The following HDAC9 variants were observed in gnomAD, a reference collection of about 807,000 sequenced individuals.
HDAC9 encodes histone deacetylase 9.
In HDAC9, 41 loss-of-function variants were observed where a neutral mutation model predicts 139.4. That is an observed-to-expected ratio of 0.29 (90% CI 0.23 to 0.38). The LOEUF is 0.38. HDAC9 is among the 10% of genes least tolerant of loss of function. The probability of loss-of-function intolerance (pLI) is 1.00; values close to 1 mark genes in which losing one functional copy is unlikely to be tolerated. For missense variants in HDAC9, 1,147 were observed against 1,297.0 expected, an observed-to-expected ratio of 0.88 and a Z score of 1.78; for synonymous variants, 517 against 476.2, an observed-to-expected ratio of 1.09 and a Z score of -1.12.
In HDAC9 at chr7:18,921,464, C is replaced by G. The variant is rs562117353; in HGVS notation, c.2804-14345C>G. Among the ~76,000 whole-genome samples, 29 of 152,150 alleles carry G rather than the reference C, an allele frequency of 1.9e-4. 2 individuals are homozygous for G. Among genetic ancestry groups the G allele is most frequent in the East Asian group, 5.8e-4 (3 of 5,170 alleles). ...AAAGAAGACATTTATGCAGCCAAAA[C>G]ACACATGAAAAAATGCTCATCATCA... On this transcript the variant is annotated intron_variant, in intron 22 of 25. Transcript: ENST00000686413.
chr7:18,265,505 A>G (rs1795937458), intron 2 of HDAC9, among the ~76,000 whole-genome samples: 1 of 152,302 alleles, frequency 6.6e-6, no homozygotes, highest in African/African-American at 2.4e-5. Context: ...GGTTACAAAG[A>G]GTCTATGCAC....
intron 21 of HDAC9, among the ~76,000 whole-genome samples, chr7:18,837,675 C>T (rs1261997778): frequency 6.6e-6 from 1 of 151,970 alleles, no homozygotes; most frequent in East Asian, 1.9e-4. Flanking sequence ...ATCATGTATG[C>T]ACAGCAATGA....
At chr7:18,399,853 A>G (rs543519863) in intron 1 of HDAC9, among the ~76,000 whole-genome samples, 3 of 152,330 alleles carry the variant, frequency 2.0e-5, no homozygotes, top group South Asian at 2.1e-4. Context: ...GTAGCTGGCA[A>G]ATCTGCTCCC....
At chr7:18,957,685 G>A (rs1380867723) in intron 24 of HDAC9, among the ~76,000 whole-genome samples, 2 of 152,106 alleles carry the variant, frequency 1.3e-5, no homozygotes, top group Non-Finnish European at 2.9e-5. Context: ...AGAGTGGGGC[G>A]CTTCGCAACT....
intron 16 of HDAC9, among the ~76,000 whole-genome samples, chr7:18,775,534 T>C (rs1028402267): frequency 6.6e-6 from 1 of 152,072 alleles, no homozygotes; most frequent in Non-Finnish European, 1.5e-5. Flanking sequence ...TCTTTGCTGC[T>C]AAATAGATTA....
chr7:18,857,150 C>T (rs1160107170), intron 21 of HDAC9, among the ~76,000 whole-genome samples: 1 of 151,794 alleles, frequency 6.6e-6, no homozygotes, highest in African/African-American at 2.4e-5. Context: ...CATGCTTTTC[C>T]TTTTGTCTGG....
chr7:18,206,487 C>T (rs1455981423), intron 2 of HDAC9, among the ~76,000 whole-genome samples: 1 of 152,098 alleles, frequency 6.6e-6, no homozygotes, highest in African/African-American at 2.4e-5. Context: ...TGTCTTTGGA[C>T]TTTCTCTTTT....
chr7:18,101,974 C>A (rs1422747451), intron 1 of HDAC9, among the ~76,000 whole-genome samples: 1 of 152,162 alleles, frequency 6.6e-6, no homozygotes, highest in Non-Finnish European at 1.5e-5. Flanking sequence ...TTATGGATTG[C>A]TCCTCTTTTA....
chr7:18,762,028 C>T, intron 14 of HDAC9, 129 bp from the exon 15 acceptor site: 2 of 980,126 alleles, frequency 2.0e-6, no homozygotes, highest in Non-Finnish European at 3.1e-6. Context: ...CTTTACTAAG[C>T]AAATCAGTGT....
intron 1 of HDAC9, among the ~76,000 whole-genome samples, chr7:18,408,915 A>C (rs1788269468): frequency 6.6e-6 from 1 of 152,234 alleles, no homozygotes; most frequent in Admixed American, 6.5e-5. Context: ...ATTTGAAACA[A>C]GAGCAACCTA....
At chr7:18,287,125 G>T (rs747730196), upstream of HDAC9, among the ~76,000 whole-genome samples, 1 of 152,022 alleles carries the variant, frequency 6.6e-6, no homozygotes, top group Non-Finnish European at 1.5e-5. Flanking sequence ...TTTAATGGTA[G>T]TTTTTTCTGA....
chr7:18,268,294 C>T (rs1320397939), intron 2 of HDAC9, among the ~76,000 whole-genome samples: 1 of 152,086 alleles, frequency 6.6e-6, no homozygotes, highest in Non-Finnish European at 1.5e-5. Context: ...TCGATACATA[C>T]ATTGCTTGAG....
intron 2 of HDAC9, among the ~76,000 whole-genome samples, chr7:18,166,103 C>A (rs1487378703): frequency 2.0e-5 from 3 of 152,160 alleles, no homozygotes; most frequent in Non-Finnish European, 4.4e-5. Flanking sequence ...TTTGATGAAT[C>A]TATTTTTTGT....
At chr7:18,595,134 C>T (rs527595083) in intron 6 of HDAC9, among the ~76,000 whole-genome samples, 4 of 152,096 alleles carry the variant, frequency 2.6e-5, no homozygotes, top group East Asian at 1.9e-4. Flanking sequence ...ATTTATTATT[C>T]GCCATCTAGC....
chr7:18,516,173 C>T (rs1245770088), intron 2 of HDAC9, among the ~76,000 whole-genome samples: 2 of 152,094 alleles, frequency 1.3e-5, no homozygotes, highest in Non-Finnish European at 2.9e-5. Flanking sequence ...TCTAGTAGGG[C>T]CACATTGTGT....
intron 1 of HDAC9, among the ~76,000 whole-genome samples, chr7:18,350,453 G>A (rs1393420868): frequency 6.6e-6 from 1 of 152,120 alleles, no homozygotes; most frequent in South Asian, 2.1e-4. Flanking sequence ...ATCAATACAA[G>A]TATTTTAATT....
rs73067606 is a variant in HDAC9, at chr7:18,829,403, A to T, written c.2379-58A>T. 1,369 of 1,340,774 alleles carry T rather than the reference A, an allele frequency of 1.0e-3. 1 individual carries two copies. The highest frequency in any genetic ancestry group is 1.3e-3 in the Non-Finnish European group (1,258 of 937,192). 83.1% of individuals were successfully genotyped at this position (1,340,774 alleles called of 1,614,324 possible). A position where few individuals can be genotyped will look rare whatever the true frequency, so the allele number is the denominator to read the frequency against. ...TAAAAAAATGCTCTGAACATTATTT[A>T]TAATGGTTTTCCTGGATGATTTGCT... On this transcript the variant is annotated intron_variant, in intron 18 of 25. Transcript: ENST00000686413.
intron 1 of HDAC9, among the ~76,000 whole-genome samples, chr7:18,291,709 G>A (rs896490536): frequency 6.6e-5 from 10 of 152,020 alleles, no homozygotes; most frequent in African/African-American, 2.4e-4. Flanking sequence ...TTGCACCCTG[G>A]GAAAACTCCT....
intron 1 of HDAC9, among the ~76,000 whole-genome samples, chr7:18,106,847 A>G (rs949810336): frequency 2.6e-5 from 4 of 151,516 alleles, no homozygotes; most frequent in African/African-American, 9.7e-5. Flanking sequence ...TTCATATTTC[A>G]CCTCTCCTGG....
Sources: gnomAD v4.1 joint callset for allele counts (sites outside exome capture counted in the v4.1 genomes callset) on GRCh38, gnomAD v4.1.1 for gene constraint, MANE v1.5 for transcripts, NCBI Gene and HGNC (gene_info 2026-07-23, HGNC 2026-07-21) for gene names.